Variants in DOCK1 observed in about 807,000 individuals in gnomAD.
DOCK1 encodes the protein dedicator of cytokinesis protein 1.
Under a neutral mutation model 262.7 loss-of-function variants are expected in DOCK1, and 138 were observed. The observed-to-expected ratio is 0.53, with a 90% CI of 0.46 to 0.61. DOCK1 has a LOEUF of 0.61. Among genes scored for constraint, DOCK1 ranks in the 20% least tolerant of loss-of-function variants. The pLI, the probability that DOCK1 is intolerant of heterozygous loss-of-function variation, is 0.00. For synonymous variants in DOCK1, 866 were observed against 867.4 expected, an observed-to-expected ratio of 1.00 and a Z score of 0.03; for missense variants, 1,908 against 2,370.7, an observed-to-expected ratio of 0.80 and a Z score of 4.05.
intron 48 of DOCK1, among the ~76,000 whole-genome samples, chr10:127,434,041 G>A (rs1207091137): frequency 3.3e-5 from 5 of 152,004 alleles, no homozygotes; most frequent in Non-Finnish European, 5.9e-5. Context: ...GCCCGGACAG[G>A]AGCTGGTGTG....
intron 44 of DOCK1, among the ~76,000 whole-genome samples, chr10:127,415,893 A>C (rs564497860): frequency 7.1e-6 from 1 of 140,232 alleles, no homozygotes; most frequent in Non-Finnish European, 1.6e-5. Context: ...AACTGGCAAT[A>C]TAAAAACATC....
chr10:127,123,214 CTG>C, intron 25 of DOCK1, among the ~76,000 whole-genome samples: 1 of 152,300 alleles, frequency 6.6e-6, no homozygotes, highest in Middle Eastern at 3.4e-3. Context: ...TTGTCAGGGG[CTG>C]TCATTACCTG....
intron 2 of DOCK1, among the ~76,000 whole-genome samples, chr10:126,976,816 C>G (rs2038578284): frequency 6.6e-6 from 1 of 152,038 alleles, no homozygotes; most frequent in Non-Finnish European, 1.5e-5. Flanking sequence ...TCACTGCAAC[C>G]TCTGCCTCTC....
intron 13 of DOCK1, 107 bp downstream of exon 13, chr10:127,018,942 C>T (rs992953162): frequency 6.7e-7 from 1 of 1,496,476 alleles, no homozygotes; most frequent in African/African-American, 1.4e-5. Context: ...GGAAAGGGCT[C>T]AGCTCCTGGT....
intron 1 of DOCK1, among the ~76,000 whole-genome samples, chr10:126,949,106 T>TC (rs1163432645): frequency 6.6e-6 from 1 of 152,050 alleles, no homozygotes; most frequent in Non-Finnish European, 1.5e-5. Context: ...GGGAGGTGCA[T>TC]CCTGCCCTTG....
chr10:127,356,712 C>A lies in DOCK1; in HGVS notation c.3283+1985C>A, dbSNP rs1269138983. ...AGTGAGTCCAGGACTTTTATAGGCA[C>A]CAACGTTCATGAAGGAGGTGATATG... On this transcript the variant is annotated intron_variant, in intron 32 of 51. Coordinates refer to ENST00000623213, the MANE Select transcript of DOCK1 (RefSeq NM_001290223.2). Among the ~76,000 whole-genome samples the A allele has an allele frequency of 6.6e-5, 10 of 152,182 alleles. No homozygotes were observed. The East Asian group carries it at 1.8e-3, about 27-fold the overall frequency.
chr10:127,415,300 C>T (rs2068090218), intron 44 of DOCK1, 62 bp downstream of exon 44: 1 of 1,503,556 alleles, frequency 6.7e-7, no homozygotes. Flanking sequence ...GTCTGCCACG[C>T]CTTCTTCACC....
At chr10:127,254,694 G>A (rs1361286339) in intron 28 of DOCK1, among the ~76,000 whole-genome samples, 1 of 152,206 alleles carries the variant, frequency 6.6e-6, no homozygotes, top group Admixed American at 6.5e-5. Context: ...CATCGGATGG[G>A]TTGAAAATCT....
chr10:126,930,932 T>C (rs941106396), intron 1 of DOCK1, among the ~76,000 whole-genome samples: 1 of 152,122 alleles, frequency 6.6e-6, no homozygotes, highest in African/African-American at 2.4e-5. Flanking sequence ...GGGGAGCTGA[T>C]AGAGGACGGA....
intron 44 of DOCK1, among the ~76,000 whole-genome samples, chr10:127,417,498 T>C (rs951576124): frequency 1.2e-4 from 18 of 152,266 alleles, no homozygotes; most frequent in Admixed American, 1.2e-3. Context: ...ATGGCAAGTG[T>C]GCAAATGAAG....
intron 22 of DOCK1, among the ~76,000 whole-genome samples, chr10:127,056,293 C>T (rs536922360): frequency 3.6e-4 from 55 of 152,300 alleles, no homozygotes; most frequent in Admixed American, 1.0e-3. Context: ...CAGCCTCAAA[C>T]CCCTGGGCTC....
At chr10:127,374,476 G>A (rs568720224) in intron 35 of DOCK1, among the ~76,000 whole-genome samples, 1 of 152,254 alleles carries the variant, frequency 6.6e-6, no homozygotes, top group Non-Finnish European at 1.5e-5. Flanking sequence ...GTATCTTGCA[G>A]CCAGGGTAGT....
intron 1 of DOCK1, among the ~76,000 whole-genome samples, chr10:126,932,390 C>G (rs2034251458): frequency 6.6e-6 from 1 of 152,138 alleles, no homozygotes. Flanking sequence ...AAACAAAAAT[C>G]CTGTCCTCCC....
chr10:127,067,639 G>A (rs888213590), intron 23 of DOCK1, among the ~76,000 whole-genome samples: 3 of 151,834 alleles, frequency 2.0e-5, no homozygotes, highest in African/African-American at 7.3e-5. Flanking sequence ...GTCTCCTTTA[G>A]TCTATTCTAG....
At chr10:127,401,853 A>G (rs547354205) in intron 38 of DOCK1, among the ~76,000 whole-genome samples, 1 of 152,162 alleles carries the variant, frequency 6.6e-6, no homozygotes, top group Non-Finnish European at 1.5e-5. Flanking sequence ...CCTTATGTCA[A>G]TTAAACTCTT....
At chr10:127,283,707 T>C (rs2061046861) in intron 29 of DOCK1, among the ~76,000 whole-genome samples, 2 of 152,242 alleles carry the variant, frequency 1.3e-5, no homozygotes, top group Admixed American at 1.3e-4. Flanking sequence ...CTCCAGCATT[T>C]TCATTGCCAA....
At position 127,309,748 on chromosome 10, in the gene DOCK1, G is replaced by T. The variant is rs2061996073; in HGVS notation, c.3045-29258G>T. Among the ~76,000 whole-genome samples the T allele has an allele frequency of 2.0e-5, 3 of 152,152 alleles. No homozygotes were observed. In the South Asian group the frequency reaches 6.2e-4, roughly 32 times the overall value. Reference sequence around the variant, plus strand: ...GAAGATCCCTCTGATCATTTTTAAGGCTGGTTGAGACCAGCCCTGTGGAGG... The same window carrying T: ...GAAGATCCCTCTGATCATTTTTAAGTCTGGTTGAGACCAGCCCTGTGGAGG... On this transcript the variant is annotated intron_variant, in intron 29 of 51. Transcript: ENST00000623213.
chr10:127,244,013 C>T (rs968604247), intron 27 of DOCK1, among the ~76,000 whole-genome samples: 1 of 152,086 alleles, frequency 6.6e-6, no homozygotes, highest in Non-Finnish European at 1.5e-5. Context: ...ATTATTTTCT[C>T]ATGCTATTAA....
intron 29 of DOCK1, among the ~76,000 whole-genome samples, chr10:127,293,035 A>G (rs886436060): frequency 6.6e-6 from 1 of 152,208 alleles, no homozygotes; most frequent in African/African-American, 2.4e-5. Flanking sequence ...TGCTGGCCCC[A>G]CACTCAGCAA....
Sources: gnomAD v4.1 joint callset for allele counts (sites outside exome capture counted in the v4.1 genomes callset) on GRCh38, gnomAD v4.1.1 for gene constraint, MANE v1.5 for transcripts, NCBI Gene and HGNC (gene_info 2026-07-23, HGNC 2026-07-21) for gene names.